The following PRDM4 variants were observed in gnomAD, a reference collection of about 807,000 sequenced individuals.
PRDM4 encodes PR domain zinc finger protein 4.
Under a neutral mutation model 62.3 loss-of-function variants are expected in PRDM4, and 38 were observed. The observed-to-expected ratio is 0.61, with a 90% CI of 0.47 to 0.80. PRDM4 has a LOEUF of 0.80. Ranked by LOEUF, PRDM4 falls within the 30% of genes least tolerant of loss-of-function variation. The pLI, the probability that PRDM4 is intolerant of heterozygous loss-of-function variation, is 0.00. For synonymous variants in PRDM4, 339 were observed against 348.2 expected (o/e 0.97, Z 0.30); for missense variants, 858 against 997.1 (o/e 0.86, Z 1.88).
In PRDM4 at chr12:107,735,054, T is replaced by C. The variant is rs548292362; in HGVS notation, c.2094-532A>G. 1.6e-3 allele frequency among the ~76,000 whole-genome samples: 251 copies of C among 152,274 alleles called. 3 individuals are homozygous for C. The highest frequency in any genetic ancestry group is 5.9e-3 in the African/African-American group (246 of 41,548). On this transcript the variant is annotated intron_variant, in intron 11 of 11. Transcript: ENST00000228437. ...GCCCAGACTGGAGTGCAATGGCTAT[T>C]CACAGGTGTGATCATCATGCACTAC...
chr12:107,741,123 T>G lies in PRDM4; in HGVS notation c.1747A>C (p.Ser583Arg). The change falls in exon 10 of 12, where the codon AGT becomes CGT. Residue 583 changes from serine to arginine, a missense_variant. This residue lies in a region of PRDM4 where 355 missense variants were observed against 432.6 expected (regional missense o/e 0.82). Coordinates refer to ENST00000228437, the MANE Select transcript of PRDM4 (RefSeq NM_012406.4). ...TTCCACTTCCTTTCTTTGCTGTGAC[T>G]TGGCCCATGGCTGCCGCTATGTCCC... ...TQGHSGSHGP[S>R]HSKERKWKCS... 1 of 1,614,200 alleles carries G rather than the reference T, an allele frequency of 6.2e-7. No individual in the cohort carries two copies. Among genetic ancestry groups the G allele is most frequent in the Non-Finnish European group, 8.5e-7 (1 of 1,180,038 alleles).
intron 6 of PRDM4, among the ~76,000 whole-genome samples, chr12:107,745,921 T>C (rs1389236763): frequency 6.6e-6 from 1 of 152,224 alleles, no homozygotes. Context: ...TGTCATAAGG[T>C]GAATTTTCCA....
intron 2 of PRDM4, 113 bp from the exon 3 acceptor site, chr12:107,757,078 T>C (rs1185890537): frequency 9.6e-7 from 1 of 1,039,066 alleles, no homozygotes; most frequent in East Asian, 2.4e-5. Flanking sequence ...TGGCCAACTA[T>C]TAGTTCACTT....
chr12:107,755,444 TAAAGGGAATGCCTAC>T (rs1312003923), intron 3 of PRDM4, among the ~76,000 whole-genome samples: 1 of 152,194 alleles, frequency 6.6e-6, no homozygotes, highest in African/African-American at 2.4e-5. Flanking sequence ...GAGTGTCCAC[TAAAGGGAATGCCTAC>T]AAACAATCAA....
Position 107,734,255 on chromosome 12 carries a change from G to C in PRDM4, c.2361C>G (p.Asn787Lys), listed in dbSNP as rs929064026. The part of the protein sequence containing the change: ...DSVGTEDCRI[N>K]SAVYSADESL... ...ACTCATCCGCTGAATACACAGCACT[G>C]TTAATCCTACAGTCTTCTGTCCCCA... Residue 787 changes from asparagine to lysine, a missense_variant, in exon 12 of 12, where the codon AAC becomes AAG. Transcript: ENST00000228437. 3 of 1,614,024 alleles carry C rather than the reference G, an allele frequency of 1.9e-6. No homozygotes were observed. In the Admixed American group the frequency reaches 5.0e-5, roughly 27 times the overall value.
intron 6 of PRDM4, 141 bp downstream of exon 6, chr12:107,746,134 T>C: frequency 9.9e-7 from 1 of 1,007,828 alleles, no homozygotes; most frequent in Non-Finnish European, 1.4e-6. Context: ...ACAAGACTAA[T>C]ATTCCATAAA....
chr12:107,759,780 A>C (rs1240368654), intron 2 of PRDM4: 5 of 152,258 alleles, frequency 3.3e-5, no homozygotes, highest in African/African-American at 9.6e-5. Context: ...AGATTCTAAG[A>C]AGCAATCCCG....
At chr12:107,755,221 C>T (rs1354747637) in intron 3 of PRDM4, among the ~76,000 whole-genome samples, 2 of 152,046 alleles carry the variant, frequency 1.3e-5, no homozygotes, top group African/African-American at 4.8e-5. Context: ...GTAGCTCCTA[C>T]GTAGCTGGGA....
rs1890500755 is a variant in PRDM4, at chr12:107,741,046, G to A, written c.1824C>T (p.His608=). Residue 608 remains histidine (H), a synonymous_variant, in exon 10 of 12, where the codon CAC becomes CAT. Transcript: ENST00000228437. Reference sequence around the variant, plus strand: ...GCTTCATACCCATGTGACCCATAAAGTGGACATGAAGTTTGGAAGGAGAGA... The same window carrying A: ...GCTTCATACCCATGTGACCCATAAAATGGACATGAAGTTTGGAAGGAGAGA... ...AFISPSKLHV[H]FMGHMGMKPH... is the part of the protein sequence containing the mutation. 2 of 1,614,186 alleles carry A rather than the reference G, an allele frequency of 1.2e-6. No individual in the cohort carries two copies. Among genetic ancestry groups the A allele is most frequent in the Middle Eastern group, 1.6e-4 (1 of 6,062 alleles).
Position 107,751,665 on chromosome 12 carries a change from C to A in PRDM4, c.876G>T (p.Val292=), listed in dbSNP as rs113090370. 1.2e-6 allele frequency: 2 copies of A among 1,614,138 alleles called. No individual in the cohort carries two copies. The highest frequency in any genetic ancestry group is 4.5e-5 in the East Asian group (2 of 44,880). The change falls in exon 5 of 12, where the codon GTG becomes GTT. Residue 292 remains valine, a synonymous_variant. Coordinates refer to ENST00000228437, the MANE Select transcript of PRDM4 (RefSeq NM_012406.4). ...DSALSDSIHT[V]AMSTNSVSVA... The stretch of plus-strand genomic sequence containing the variant: ...CGCTTACAGAGTTGGTGCTCATGGC[C>A]ACAGTGTGAATGGAGTCACTGAGGG...
intron 7 of PRDM4, among the ~76,000 whole-genome samples, chr12:107,744,323 T>G (rs1890619989): frequency 6.6e-6 from 1 of 152,140 alleles, no homozygotes; most frequent in African/African-American, 2.4e-5. Flanking sequence ...ACAAAAACAG[T>G]TTGTCCTCTA....
chr12:107,759,437 A>AT (rs1028682214), intron 2 of PRDM4, among the ~76,000 whole-genome samples: 3 of 152,184 alleles, frequency 2.0e-5, no homozygotes, highest in African/African-American at 7.2e-5. Flanking sequence ...TGGTTACAAT[A>AT]TTTTTTTAAA....
chr12:107,746,713 G>C (rs555101706), intron 5 of PRDM4, among the ~76,000 whole-genome samples: 16 of 152,232 alleles, frequency 1.1e-4, no homozygotes, highest in Non-Finnish European at 2.2e-4. Flanking sequence ...TGGAACTCCT[G>C]ACCTCAGATG....
Position 107,739,376 on chromosome 12 carries a change from A to AT in PRDM4, c.2093+6_2093+7insA. On this transcript the variant is annotated splice_region_variant and intron_variant, in intron 11 of 11. Transcript: ENST00000228437. ...AGGAACGACGTCTTGGCTGCAGGGT[A>AT]ACTTACTGAGTGTGGATGAGCACGT... The AT allele has an allele frequency of 3.1e-6, 5 of 1,612,156 alleles. No individual in the cohort carries two copies. The highest frequency in any genetic ancestry group is 4.2e-6 in the Non-Finnish European group (5 of 1,179,258).
chr12:107,743,051 G>A (rs1593165888), intron 8 of PRDM4, 146 bp downstream of exon 8: 1 of 658,918 alleles, frequency 1.5e-6, no homozygotes, highest in Non-Finnish European at 2.6e-6. Flanking sequence ...AAAGGTGTGA[G>A]CCACCATGCC....
In PRDM4 at chr12:107,741,023, T is replaced by A. The variant is rs1180304541; in HGVS notation, c.1847A>T (p.Lys616Met). The A allele has an allele frequency of 3.1e-6, 5 of 1,614,180 alleles. No individual in the cohort carries two copies. Among genetic ancestry groups the A allele is most frequent in the Admixed American group, 3.3e-5 (2 of 60,018 alleles). The change falls in exon 10 of 12, where the codon AAG becomes ATG. Residue 616 changes from lysine to methionine, a missense_variant. By Grantham distance (95) the Lys-to-Met change is moderately conservative. Coordinates refer to ENST00000228437, the MANE Select transcript of PRDM4 (RefSeq NM_012406.4). ...HVHFMGHMGMKPHKCDFCSKA... is the reference protein window; with the variant it reads ...HVHFMGHMGMMPHKCDFCSKA... ...GCTACAGAAATCACACTTGTGGGGC[T>A]TCATACCCATGTGACCCATAAAGTG...
intron 4 of PRDM4, among the ~76,000 whole-genome samples, chr12:107,752,505 T>C (rs1009254153): frequency 7.0e-6 from 1 of 143,362 alleles, no homozygotes; most frequent in African/African-American, 2.4e-5. Context: ...AGTCCTAAGG[T>C]GTAAAATTTG....
chr12:107,758,866 A>G (rs1219778447), intron 2 of PRDM4, among the ~76,000 whole-genome samples: 1 of 152,186 alleles, frequency 6.6e-6, no homozygotes, highest in East Asian at 1.9e-4. Context: ...ATTTTATCGG[A>G]TGGAGCTATG....
intron 10 of PRDM4, among the ~76,000 whole-genome samples, chr12:107,739,989 G>GA (rs1420900004): frequency 3.3e-5 from 5 of 152,172 alleles, no homozygotes; most frequent in Admixed American, 3.3e-4. Context: ...AACCAGGGAT[G>GA]AAACAAAATC....
Sources: allele counts gnomAD v4.1 joint callset (sites outside exome capture counted in the v4.1 genomes callset), GRCh38; gene constraint gnomAD v4.1.1; regional missense constraint gnomAD v4.1.1; transcripts MANE v1.5; gene names NCBI Gene and HGNC (gene_info 2026-07-23, HGNC 2026-07-21).